Variants in SYN3 observed in about 807,000 individuals in gnomAD.
The protein encoded by SYN3 is synapsin III.
In SYN3, 35 loss-of-function variants were observed where a neutral mutation model predicts 65.8. That is an observed-to-expected ratio of 0.53 (90% CI 0.41 to 0.70). The LOEUF (loss-of-function observed/expected upper bound fraction) is 0.70, where lower values mean the gene tolerates loss of function less well. SYN3 is among the 30% of genes least tolerant of loss of function. The pLI, the probability that SYN3 is intolerant of heterozygous loss-of-function variation, is 0.00. For synonymous variants in SYN3, 270 were observed against 292.9 expected, an observed-to-expected ratio of 0.92 and a Z score of 0.80; for missense variants, 680 against 749.0, an observed-to-expected ratio of 0.91 and a Z score of 1.08.
At chr22:32,928,837 C>T (rs942982202) in intron 4 of SYN3, among the ~76,000 whole-genome samples, 1 of 152,184 alleles carries the variant, frequency 6.6e-6, no homozygotes, top group Non-Finnish European at 1.5e-5. Flanking sequence ...CCTGCACCTC[C>T]GATCTTTTTC....
chr22:32,977,882 G>A (rs1332129773), intron 3 of SYN3, among the ~76,000 whole-genome samples: 1 of 152,090 alleles, frequency 6.6e-6, no homozygotes, highest in African/African-American at 2.4e-5. Context: ...GCTACTTAGG[G>A]TAAGATCCAG....
chr22:32,698,656 T>C (rs921521932), intron 6 of SYN3, among the ~76,000 whole-genome samples: 1 of 152,242 alleles, frequency 6.6e-6, no homozygotes, highest in Non-Finnish European at 1.5e-5. Context: ...GGATTATTAG[T>C]TCTGTTATCC....
chr22:32,940,421 G>A (rs1439552472), intron 3 of SYN3, among the ~76,000 whole-genome samples: 1 of 151,818 alleles, frequency 6.6e-6, no homozygotes, highest in Admixed American at 6.6e-5. Flanking sequence ...ATTGTCTTTA[G>A]CTTAAAAAAT....
chr22:32,923,052 C>T (rs2050375268), intron 4 of SYN3, among the ~76,000 whole-genome samples: 1 of 152,174 alleles, frequency 6.6e-6, no homozygotes, highest in African/African-American at 2.4e-5. Context: ...CCACAAGATG[C>T]TGGCTGTGAG....
At chr22:33,009,040 T>A (rs1175173665) in intron 1 of SYN3, among the ~76,000 whole-genome samples, 2 of 150,292 alleles carry the variant, frequency 1.3e-5, no homozygotes, top group African/African-American at 4.9e-5. Context: ...TATGCATAAA[T>A]TGCTGCAAGA....
At chr22:32,583,048 T>G (rs562352358) in intron 7 of SYN3, among the ~76,000 whole-genome samples, 7 of 152,164 alleles carry the variant, frequency 4.6e-5, no homozygotes, top group African/African-American at 7.2e-5. Flanking sequence ...TATGGAGGTC[T>G]CCTGGGGGTG....
intron 1 of SYN3, among the ~76,000 whole-genome samples, chr22:33,047,931 C>T (rs999342070): frequency 1.3e-4 from 20 of 150,696 alleles, no homozygotes; most frequent in Admixed American, 6.6e-4. Flanking sequence ...TGTCACACAG[C>T]GATGTCTGGC....
At chr22:32,725,759 G>A (rs1032711364) in intron 6 of SYN3, among the ~76,000 whole-genome samples, 2 of 152,202 alleles carry the variant, frequency 1.3e-5, no homozygotes, top group African/African-American at 4.8e-5. Flanking sequence ...GACTTCTGAC[G>A]TCCAAACAGG....
intron 3 of SYN3, among the ~76,000 whole-genome samples, chr22:32,976,133 A>G (rs1260117912): frequency 6.6e-6 from 1 of 152,230 alleles, no homozygotes; most frequent in Non-Finnish European, 1.5e-5. Flanking sequence ...AAAGGGCAGA[A>G]GATGAACAGG....
chr22:32,648,494 A>G (rs1569122829), intron 6 of SYN3, among the ~76,000 whole-genome samples: 1 of 152,244 alleles, frequency 6.6e-6, no homozygotes, highest in Non-Finnish European at 1.5e-5. Context: ...GTGACCAACG[A>G]TTGAAGTTTG....
intron 6 of SYN3, among the ~76,000 whole-genome samples, chr22:32,842,334 G>A (rs2047933987): frequency 6.6e-6 from 1 of 152,174 alleles, no homozygotes; most frequent in African/African-American, 2.4e-5. Flanking sequence ...ACCCAGTCCA[G>A]GCAGGCCCCT....
At chr22:32,556,404 T>A (rs974033333) in intron 7 of SYN3, among the ~76,000 whole-genome samples, 8 of 152,188 alleles carry the variant, frequency 5.3e-5, no homozygotes. Flanking sequence ...CACCAAAAAC[T>A]CAGCTTCACA....
intron 4 of SYN3, among the ~76,000 whole-genome samples, chr22:32,914,778 C>T (rs2050146613): frequency 6.6e-6 from 1 of 152,112 alleles, no homozygotes. Context: ...TTGGAAAATG[C>T]ATGGAAGCTC....
intron 6 of SYN3, among the ~76,000 whole-genome samples, chr22:32,744,041 C>T (rs1168871503): frequency 6.6e-6 from 1 of 152,072 alleles, no homozygotes; most frequent in Non-Finnish European, 1.5e-5. Flanking sequence ...GATGATGACC[C>T]CTTTCGTGCC....
intron 6 of SYN3, among the ~76,000 whole-genome samples, chr22:32,654,590 C>T (rs1375925513): frequency 6.6e-6 from 1 of 152,144 alleles, no homozygotes; most frequent in Non-Finnish European, 1.5e-5. Flanking sequence ...TGTCTCTCTC[C>T]ACACCGAGAT....
intron 6 of SYN3, among the ~76,000 whole-genome samples, chr22:32,817,873 C>T (rs2047129058): frequency 6.6e-6 from 1 of 152,156 alleles, no homozygotes; most frequent in East Asian, 1.9e-4. Context: ...GCAACCCCAC[C>T]CTGGTCCCCT....
intron 1 of SYN3, among the ~76,000 whole-genome samples, chr22:33,007,400 T>C (rs2053223633): frequency 6.6e-6 from 1 of 152,222 alleles, no homozygotes; most frequent in Admixed American, 6.5e-5. Flanking sequence ...CTCTTACTTA[T>C]ATTTTTCTAA....
chr22:32,569,461 T>TA (rs879560512), intron 7 of SYN3, among the ~76,000 whole-genome samples: 1 of 151,376 alleles, frequency 6.6e-6, no homozygotes, highest in African/African-American at 2.4e-5. Context: ...TCTATCTATC[T>TA]AAAATCTATC....
intron 7 of SYN3, among the ~76,000 whole-genome samples, chr22:32,567,232 G>A (rs1281012837): frequency 6.6e-6 from 1 of 152,138 alleles, no homozygotes; most frequent in African/African-American, 2.4e-5. Context: ...GTGCTCAGCA[G>A]TGTCAGTTTA....
Sources: allele counts gnomAD v4.1 joint callset (sites outside exome capture counted in the v4.1 genomes callset), GRCh38; gene constraint gnomAD v4.1.1; transcripts MANE v1.5; gene names NCBI Gene and HGNC (gene_info 2026-07-23, HGNC 2026-07-21).